EPHB1: variants seen among roughly 807,000 people sequenced by gnomAD.
The protein encoded by EPHB1 is EPH receptor B1.
EPHB1 carries 30 observed loss-of-function variants against 94.4 expected under a neutral mutation model. That is an observed-to-expected ratio of 0.32 (90% CI 0.24 to 0.43). The LOEUF is 0.43. Among genes scored for constraint, EPHB1 ranks in the 20% least tolerant of loss-of-function variants. EPHB1 has a pLI of 1.00. For missense variants in EPHB1, 1,055 were observed against 1,308.3 expected, an observed-to-expected ratio of 0.81 and a Z score of 2.99; for synonymous variants, 522 against 489.1, an observed-to-expected ratio of 1.07 and a Z score of -0.89.
chr3:135,075,646 T>C (rs1180826671), intron 3 of EPHB1, among the ~76,000 whole-genome samples: 1 of 152,182 alleles, frequency 6.6e-6, no homozygotes, highest in East Asian at 1.9e-4. Flanking sequence ...TTATATGGCA[T>C]CATCCACAGC....
chr3:135,098,867 T>G (rs2107795433), intron 3 of EPHB1, among the ~76,000 whole-genome samples: 1 of 151,560 alleles, frequency 6.6e-6, no homozygotes, highest in Admixed American at 6.6e-5. Context: ...CAAAAATTAG[T>G]TAGGTGGTAG....
intron 1 of EPHB1, among the ~76,000 whole-genome samples, chr3:134,827,588 G>A (rs2036507336): frequency 6.6e-6 from 1 of 152,196 alleles, no homozygotes; most frequent in East Asian, 1.9e-4. Flanking sequence ...TAATTTCTTG[G>A]TAGTTCCTGC....
At chr3:135,192,550 T>A (rs368863210) in intron 10 of EPHB1, 26 bp from the exon 11 acceptor site, 183 of 1,610,664 alleles carry the variant, frequency 1.1e-4, no homozygotes, top group Non-Finnish European at 1.5e-4. Context: ...AGGAAGAGGA[T>A]ATTAATGGCA....
chr3:134,922,002 C>T (rs1275408563), intron 1 of EPHB1, among the ~76,000 whole-genome samples: 3 of 152,192 alleles, frequency 2.0e-5, no homozygotes, highest in East Asian at 1.9e-4. Context: ...CTCCACCATG[C>T]GTGTGCCCTT....
intron 11 of EPHB1, 56 bp downstream of exon 11, chr3:135,192,879 G>C (rs1424627292): frequency 5.0e-6 from 8 of 1,586,974 alleles, no homozygotes; most frequent in Non-Finnish European, 6.9e-6. Flanking sequence ...ATGATGGCTG[G>C]GGAGAGGGGT....
At chr3:134,906,235 A>T (rs567301048) in intron 1 of EPHB1, among the ~76,000 whole-genome samples, 1 of 152,350 alleles carries the variant, frequency 6.6e-6, no homozygotes, top group South Asian at 2.1e-4. Context: ...GAAACCATTT[A>T]GCCCGAGGGG....
chr3:134,951,920 T>C lies in EPHB1; in HGVS notation c.673T>C (p.Cys225Arg). Residue 225 changes from cysteine to arginine, a missense_variant, in exon 3 of 16, where the codon TGC becomes CGC. Transcript: ENST00000398015. This position sits in a 1 kb window ranked among gnomAD's most constrained non-coding sequence, Gnocchi z 4.5. Reference protein sequence around the residue: ...STSLVIARGTCIPNAEEVDVP... With the variant: ...STSLVIARGTRIPNAEEVDVP... ...ATCTCTGGTGATTGCTCGGGGCACATGCATCCCCAACGCAGAGGAAGTGGA... is the reference window on the plus strand; with the variant it reads ...ATCTCTGGTGATTGCTCGGGGCACACGCATCCCCAACGCAGAGGAAGTGGA... The C allele has an allele frequency of 6.2e-7, 1 of 1,614,028 alleles. No homozygotes were observed. The highest frequency in any genetic ancestry group is 8.5e-7 in the Non-Finnish European group (1 of 1,179,902).
intron 3 of EPHB1, among the ~76,000 whole-genome samples, chr3:134,968,591 A>G (rs1933851293): frequency 6.6e-6 from 1 of 152,214 alleles, no homozygotes; most frequent in African/African-American, 2.4e-5. Context: ...TAAAAATTAT[A>G]ATACAGAAAA....
intron 4 of EPHB1, among the ~76,000 whole-genome samples, chr3:135,125,593 A>T (rs1321297732): frequency 6.6e-6 from 1 of 152,214 alleles, no homozygotes; most frequent in Non-Finnish European, 1.5e-5. Context: ...GAAAGAATAA[A>T]GGTTTGGTGT....
At chr3:135,032,418 A>G (rs1936509019) in intron 3 of EPHB1, among the ~76,000 whole-genome samples, 1 of 151,746 alleles carries the variant, frequency 6.6e-6, no homozygotes, top group Non-Finnish European at 1.5e-5. Flanking sequence ...TGAGTGCAAT[A>G]TTGTTCCATC....
At chr3:134,945,870 G>A (rs1318223836) in intron 2 of EPHB1, among the ~76,000 whole-genome samples, 1 of 152,190 alleles carries the variant, frequency 6.6e-6, no homozygotes. Flanking sequence ...TTGGGTAAAA[G>A]AAATTTGGCC....
intron 5 of EPHB1, among the ~76,000 whole-genome samples, chr3:135,153,734 C>G (rs1941267557): frequency 6.6e-6 from 1 of 152,188 alleles, no homozygotes; most frequent in African/African-American, 2.4e-5. Flanking sequence ...TCATCTCTTG[C>G]CCCAGGTTCT....
At chr3:134,871,446 T>C (rs1456110404) in intron 1 of EPHB1, among the ~76,000 whole-genome samples, 1 of 152,262 alleles carries the variant, frequency 6.6e-6, no homozygotes, top group African/African-American at 2.4e-5. Context: ...CTGCAAGCTC[T>C]GGAGCTCCCA....
intron 12 of EPHB1, among the ~76,000 whole-genome samples, chr3:135,204,743 T>G (rs905375874): frequency 6.6e-6 from 1 of 151,976 alleles, no homozygotes; most frequent in Non-Finnish European, 1.5e-5. Flanking sequence ...CCTCAAGTGA[T>G]TTGCCCGCCT....
At chr3:135,165,699 A>G (rs1159403) in intron 7 of EPHB1, among the ~76,000 whole-genome samples, 150,862 of 152,334 alleles carry the variant, frequency 0.99, 74,715 homozygotes, top group East Asian at 1. Context: ...TGTAGATTGG[A>G]AATCATCTCT....
intron 3 of EPHB1, among the ~76,000 whole-genome samples, chr3:135,051,548 G>A (rs1937167502): frequency 2.6e-5 from 4 of 152,204 alleles, no homozygotes; most frequent in Admixed American, 2.0e-4. Context: ...ATAGCTTCAA[G>A]ATTGATTAGT....
intron 15 of EPHB1, among the ~76,000 whole-genome samples, chr3:135,256,756 G>T (rs551729598): frequency 6.0e-4 from 91 of 152,122 alleles, no homozygotes; most frequent in African/African-American, 2.1e-3. Context: ...GAATCTGAAC[G>T]TTGGCCTGCC....
chr3:135,085,600 T>C lies in EPHB1; in HGVS notation c.806-20848T>C, dbSNP rs138863515. Reference sequence around the variant, plus strand: ...TGGAATCTGCCTCTCTGGACAAAGATAGCATCACAAATGTTTGATGCGGGT... The same window carrying C: ...TGGAATCTGCCTCTCTGGACAAAGACAGCATCACAAATGTTTGATGCGGGT... On this transcript the variant is annotated intron_variant, in intron 3 of 15. Transcript: ENST00000398015. 1.7e-3 allele frequency among the ~76,000 whole-genome samples: 260 copies of C among 152,342 alleles called. 3 individuals are homozygous for C. The highest frequency in any genetic ancestry group is 6.0e-3 in the African/African-American group (249 of 41,584).
At chr3:135,187,555 G>A (rs780162620) in intron 10 of EPHB1, among the ~76,000 whole-genome samples, 14 of 152,266 alleles carry the variant, frequency 9.2e-5, no homozygotes, top group East Asian at 3.9e-4. Context: ...GATCACAGGC[G>A]ACAGCAATTT....
Sources: allele counts gnomAD v4.1 joint callset (sites outside exome capture counted in the v4.1 genomes callset), GRCh38; gene constraint gnomAD v4.1.1; non-coding constraint Gnocchi (gnomAD v3.1); transcripts MANE v1.5; gene names NCBI Gene and HGNC (gene_info 2026-07-23, HGNC 2026-07-21).